KCTD16: variants seen among roughly 807,000 people sequenced by gnomAD.
KCTD16 encodes potassium channel tetramerization domain containing 16.
A neutral mutation model predicts 33.2 loss-of-function variants in KCTD16; 13 were observed. The observed-to-expected ratio is 0.39, with a 90% CI of 0.25 to 0.62. The LOEUF (loss-of-function observed/expected upper bound fraction) is 0.62. Among genes scored for constraint, KCTD16 ranks in the 20% least tolerant of loss-of-function variants. The pLI is 0.50. For missense variants in KCTD16, 441 were observed against 525.1 expected, an observed-to-expected ratio of 0.84 and a Z score of 1.57; for synonymous variants, 197 against 195.3, an observed-to-expected ratio of 1.01 and a Z score of -0.07.
rs893191098 is a variant in KCTD16, at chr5:144,476,302, C to T, written c.*2188C>T. 6.6e-6 allele frequency: 1 copy of T among 152,132 alleles called. No homozygotes were observed. The highest frequency in any genetic ancestry group is 2.4e-5 in the African/African-American group (1 of 41,456). The allele number at this position is 152,132 out of a possible 1,614,324, so 9.4% of individuals were successfully genotyped here. A position where few individuals can be genotyped will look rare whatever the true frequency, so the allele number is the denominator to read the frequency against. On this transcript the variant is annotated 3_prime_UTR_variant, in exon 4 of 4. Transcript: ENST00000512467. ...CTAAAATGGCCAAAGTTCCAACTTC[C>T]TTAAATTTCAGACCTGACTGTAATG...
At chr5:144,376,220 G>T (rs1451101378) in intron 3 of KCTD16, among the ~76,000 whole-genome samples, 2 of 151,562 alleles carry the variant, frequency 1.3e-5, no homozygotes, top group African/African-American at 4.9e-5. Flanking sequence ...TTTCGTTTAT[G>T]ATTTAGTTTC....
chr5:144,248,935 G>A (rs1388609944), intron 3 of KCTD16, among the ~76,000 whole-genome samples: 2 of 152,100 alleles, frequency 1.3e-5, no homozygotes, highest in African/African-American at 4.8e-5. Flanking sequence ...AAAACTCAAG[G>A]TGCTAATATA....
intron 3 of KCTD16, among the ~76,000 whole-genome samples, chr5:144,221,366 C>T (rs1318758125): frequency 1.3e-5 from 2 of 152,098 alleles, no homozygotes; most frequent in Admixed American, 6.6e-5. Flanking sequence ...TTGCTGCACC[C>T]ATCATCCCAT....
chr5:144,345,349 TATAATA>T (rs917587163), intron 3 of KCTD16, among the ~76,000 whole-genome samples: 25 of 151,604 alleles, frequency 1.6e-4, no homozygotes, highest in Middle Eastern at 3.2e-3. Context: ...AAACTTAAAG[TATAATA>T]ATAATAATAA....
chr5:144,465,449 C>G (rs1250317694), intron 3 of KCTD16, among the ~76,000 whole-genome samples: 3 of 152,014 alleles, frequency 2.0e-5, no homozygotes, highest in African/African-American at 7.2e-5. Flanking sequence ...CAACTGTATA[C>G]CTGACACCCT....
intron 3 of KCTD16, among the ~76,000 whole-genome samples, chr5:144,367,730 G>T (rs910072031): frequency 2.0e-5 from 3 of 149,624 alleles, no homozygotes; most frequent in Non-Finnish European, 4.4e-5. Context: ...AGAATCAGGG[G>T]ATTCATGTGC....
At chr5:144,188,259 A>G (rs892323171) in intron 2 of KCTD16, among the ~76,000 whole-genome samples, 1 of 152,160 alleles carries the variant, frequency 6.6e-6, no homozygotes, top group Non-Finnish European at 1.5e-5. Flanking sequence ...AAGCTAATAG[A>G]TATTAGCTTT....
In KCTD16 at chr5:144,337,871, A is replaced by G. The variant is rs189824380; in HGVS notation, c.832+130325A>G. Among the ~76,000 whole-genome samples, 9 of 152,308 alleles carry G rather than the reference A, an allele frequency of 5.9e-5. No homozygotes were observed. In the East Asian group the frequency reaches 1.7e-3, roughly 29 times the overall value. Reference sequence around the variant, plus strand: ...GTCTAGGTCCAGATCTTGGCTTGCCACTTACTGTGTAGCTTTGGGTGACAT... The same window carrying G: ...GTCTAGGTCCAGATCTTGGCTTGCCGCTTACTGTGTAGCTTTGGGTGACAT... On this transcript the variant is annotated intron_variant, in intron 3 of 3. Transcript: ENST00000512467.
chr5:144,372,494 A>T (rs929413870), intron 3 of KCTD16, among the ~76,000 whole-genome samples: 2 of 152,180 alleles, frequency 1.3e-5, no homozygotes, highest in African/African-American at 4.8e-5. Context: ...TAAGCTGGTA[A>T]TCATAATATA....
In KCTD16 at chr5:144,474,216, C is replaced by A. The variant is rs752542733; in HGVS notation, c.*102C>A. The A allele has an allele frequency of 2.3e-4, 204 of 890,610 alleles. No individual in the cohort carries two copies. Among genetic ancestry groups the A allele is most frequent in the Admixed American group, 4.1e-4 (15 of 36,276 alleles). The allele number at this position is 890,610 out of a possible 1,614,324, so 55.2% of individuals were successfully genotyped here. A position where few individuals can be genotyped will look rare whatever the true frequency, so the allele number is the denominator to read the frequency against. On this transcript the variant is annotated 3_prime_UTR_variant, in exon 4 of 4. Transcript: ENST00000512467. ...GGAAAAAAATACAACTAATGATGCA[C>A]ATTTCTTAGAACACAATAGTCCATT...
Position 144,412,032 on chromosome 5 carries a change from TAA to T in KCTD16, c.833-61627_833-61626del, listed in dbSNP as rs1752944510. On this transcript the variant is annotated intron_variant, in intron 3 of 3. Coordinates refer to ENST00000512467, the MANE Select transcript of KCTD16 (RefSeq NM_020768.4). The stretch of plus-strand genomic sequence containing the variant: ...CAAAAAGACAGGGAGTAATGGATGC[TAA>T]CAAGGATGTGGGGAAAGGTGAATGC... Among the ~76,000 whole-genome samples, 6 of 152,320 alleles carry T rather than the reference TAA, an allele frequency of 3.9e-5. No individual in the cohort carries two copies. The South Asian group carries it at 1.2e-3, about 32-fold the overall frequency.
intron 3 of KCTD16, among the ~76,000 whole-genome samples, chr5:144,293,633 C>T (rs1755956078): frequency 6.6e-6 from 1 of 152,150 alleles, no homozygotes. Flanking sequence ...AAGATGGTAA[C>T]CTACTTAGTA....
At chr5:144,324,252 A>G (rs1404169287) in intron 3 of KCTD16, among the ~76,000 whole-genome samples, 1 of 152,150 alleles carries the variant, frequency 6.6e-6, no homozygotes, top group African/African-American at 2.4e-5. Flanking sequence ...GTCAATGTGC[A>G]TGTTTAATTT....
At chr5:144,415,318 C>T (rs1285573512) in intron 3 of KCTD16, among the ~76,000 whole-genome samples, 6 of 152,114 alleles carry the variant, frequency 3.9e-5, no homozygotes, top group Admixed American at 2.6e-4. Flanking sequence ...ATCAAGTTCC[C>T]AACACATGCT....
At chr5:144,464,765 T>C (rs188875957) in intron 3 of KCTD16, among the ~76,000 whole-genome samples, 72 of 151,800 alleles carry the variant, frequency 4.7e-4, no homozygotes, top group African/African-American at 1.5e-3. Context: ...CTTCCTCTTC[T>C]TCTTCTTCTT....
intron 3 of KCTD16, among the ~76,000 whole-genome samples, chr5:144,334,269 T>A (rs995886866): frequency 1.3e-5 from 2 of 152,208 alleles, no homozygotes. Flanking sequence ...CTTGGACACA[T>A]AAAGGATGGT....
chr5:144,217,514 T>C (rs1468794552), intron 3 of KCTD16, among the ~76,000 whole-genome samples: 1 of 152,190 alleles, frequency 6.6e-6, no homozygotes, highest in Non-Finnish European at 1.5e-5. Flanking sequence ...TAACGGATAA[T>C]ATAATGTGTG....
In KCTD16 at chr5:144,207,037, G is replaced by T. The variant is rs749634452; in HGVS notation, c.323G>T (p.Arg108Met). ...TTTCCAGAAAAAGGAAGACTGAAAA[G>T]GGAAGCTGAATACTTCCAGCTCCCA... ...DHFPEKGRLK[R>M]EAEYFQLPDL... The change falls in exon 3 of 4, where the codon AGG becomes ATG. Residue 108 changes from arginine to methionine, a missense_variant. Coordinates refer to ENST00000512467, the MANE Select transcript of KCTD16 (RefSeq NM_020768.4). 1 of 1,614,170 alleles carries T rather than the reference G, an allele frequency of 6.2e-7. No individual in the cohort carries two copies. Among genetic ancestry groups the T allele is most frequent in the East Asian group, 2.2e-5 (1 of 44,882 alleles).
At chr5:144,229,603 T>C (rs143620142) in intron 3 of KCTD16, among the ~76,000 whole-genome samples, 26 of 152,308 alleles carry the variant, frequency 1.7e-4, no homozygotes, top group African/African-American at 6.0e-4. Context: ...AGAGAAAAGC[T>C]GAGGCTAAGA....
Sources: gnomAD v4.1 joint callset for allele counts (sites outside exome capture counted in the v4.1 genomes callset) on GRCh38, gnomAD v4.1.1 for gene constraint, MANE v1.5 for transcripts, NCBI Gene and HGNC (gene_info 2026-07-23, HGNC 2026-07-21) for gene names.